Variants in GRIK2 observed in about 807,000 individuals in gnomAD.
GRIK2 encodes the protein glutamate receptor ionotropic, kainate 2.
GRIK2 carries 32 observed loss-of-function variants against 100.3 expected under a neutral mutation model. The ratio of observed to expected loss-of-function variants is 0.32; its 90% confidence interval spans 0.24 to 0.43. GRIK2 has a LOEUF of 0.43. Among genes scored for constraint, GRIK2 ranks in the 20% least tolerant of loss-of-function variants. The pLI is 1.00. For missense variants in GRIK2, 843 were observed against 1,114.9 expected (o/e 0.76, Z 3.47); for synonymous variants, 417 against 389.4 (o/e 1.07, Z -0.83).
At chr6:101,970,307 G>C (rs1159663810) in intron 14 of GRIK2, among the ~76,000 whole-genome samples, 1 of 151,796 alleles carries the variant, frequency 6.6e-6, no homozygotes, top group Non-Finnish European at 1.5e-5. Context: ...TTTGGGCTTG[G>C]CCCAGGATGG....
At chr6:101,813,036 A>C (rs1301246322) in intron 9 of GRIK2, among the ~76,000 whole-genome samples, 1 of 152,082 alleles carries the variant, frequency 6.6e-6, no homozygotes, top group African/African-American at 2.4e-5. Context: ...TGATATACAC[A>C]TCCGTATATA....
At chr6:101,504,192 T>C (rs1773908562) in intron 2 of GRIK2, among the ~76,000 whole-genome samples, 1 of 150,826 alleles carries the variant, frequency 6.6e-6, no homozygotes, top group South Asian at 2.1e-4. Flanking sequence ...GCACTGTGTT[T>C]AGCATACTTT....
chr6:102,053,869 C>A (rs1004176169), intron 15 of GRIK2, among the ~76,000 whole-genome samples: 2 of 152,040 alleles, frequency 1.3e-5, no homozygotes, highest in Non-Finnish European at 2.9e-5. Context: ...AGTGAGTGAT[C>A]AAGACAGAAA....
chr6:101,678,287 GAT>G (rs1770988137), intron 5 of GRIK2, among the ~76,000 whole-genome samples: 1 of 152,012 alleles, frequency 6.6e-6, no homozygotes, highest in South Asian at 2.1e-4. Context: ...ACTTCTATTA[GAT>G]ATATTTATTA....
intron 16 of GRIK2, among the ~76,000 whole-genome samples, chr6:102,059,435 T>G (rs1771632600): frequency 6.6e-6 from 1 of 151,204 alleles, no homozygotes; most frequent in African/African-American, 2.4e-5. Context: ...TTTAAAGATA[T>G]TTCTACTGAA....
At position 101,873,347 on chromosome 6, in the gene GRIK2, T is replaced by C. The variant is rs1166623701; in HGVS notation, c.1524+13854T>C. On this transcript the variant is annotated intron_variant, in intron 11 of 16. Coordinates refer to ENST00000369134, the MANE Select transcript of GRIK2 (RefSeq NM_021956.5). ...ACCTATGAGTGAGAACATGTGGTGTTTGGTTTTTTGTCCTTGTAATAGTTT... is the reference window on the plus strand; with the variant it reads ...ACCTATGAGTGAGAACATGTGGTGTCTGGTTTTTTGTCCTTGTAATAGTTT... Among the ~76,000 whole-genome samples, 3 of 150,512 alleles carry C rather than the reference T, an allele frequency of 2.0e-5. No homozygotes were observed. The East Asian group carries it at 6.0e-4, about 30-fold the overall frequency.
intron 7 of GRIK2, among the ~76,000 whole-genome samples, chr6:101,733,879 G>C (rs1255154189): frequency 1.3e-5 from 2 of 151,736 alleles, no homozygotes; most frequent in East Asian, 3.9e-4. Context: ...CAAATCCCTT[G>C]CTAATTTGTA....
chr6:101,440,383 C>G (rs1158663266), intron 2 of GRIK2, among the ~76,000 whole-genome samples: 1 of 152,148 alleles, frequency 6.6e-6, no homozygotes, highest in African/African-American at 2.4e-5. Context: ...TTAAGTTAAT[C>G]AGTTATTAAG....
chr6:101,450,498 C>T (rs1378827249), intron 2 of GRIK2, among the ~76,000 whole-genome samples: 1 of 151,586 alleles, frequency 6.6e-6, no homozygotes. Context: ...TGATTCTGTA[C>T]CAGGGACAAT....
intron 2 of GRIK2, among the ~76,000 whole-genome samples, chr6:101,498,929 C>T (rs988526366): frequency 1.3e-5 from 2 of 151,864 alleles, no homozygotes; most frequent in Non-Finnish European, 2.9e-5. Context: ...TGTTTTAGAC[C>T]TGAAGTCCTT....
chr6:101,787,327 AT>A (rs1394162226), intron 7 of GRIK2, among the ~76,000 whole-genome samples: 4 of 148,606 alleles, frequency 2.7e-5, no homozygotes, highest in African/African-American at 5.0e-5. Flanking sequence ...GATCTTTATT[AT>A]TTTTTTCTTC....
intron 4 of GRIK2, among the ~76,000 whole-genome samples, chr6:101,665,086 G>A (rs1023380454): frequency 4.6e-5 from 7 of 152,086 alleles, no homozygotes; most frequent in African/African-American, 1.7e-4. Flanking sequence ...TTTCTCTGCT[G>A]GAATCACAGA....
chr6:102,039,738 A>C (rs1770467205), intron 15 of GRIK2, among the ~76,000 whole-genome samples: 1 of 151,604 alleles, frequency 6.6e-6, no homozygotes. Flanking sequence ...GTGAGCTGGT[A>C]GGAAAGCAGC....
intron 9 of GRIK2, among the ~76,000 whole-genome samples, chr6:101,805,634 A>G (rs1780952786): frequency 6.6e-6 from 1 of 151,998 alleles, no homozygotes; most frequent in Non-Finnish European, 1.5e-5. Flanking sequence ...TGTCTGTTTT[A>G]TGCCCTCATG....
intron 14 of GRIK2, among the ~76,000 whole-genome samples, chr6:101,953,869 A>G (rs1405043021): frequency 1.3e-5 from 2 of 152,036 alleles, no homozygotes; most frequent in Non-Finnish European, 2.9e-5. Flanking sequence ...ATTTTTTTCT[A>G]AGAGTTTTAT....
intron 9 of GRIK2, among the ~76,000 whole-genome samples, chr6:101,811,350 T>C (rs556508906): frequency 4.6e-5 from 7 of 152,060 alleles, no homozygotes; most frequent in Non-Finnish European, 1.0e-4. Context: ...AATAACTTTC[T>C]TTTTTACATT....
At chr6:101,704,932 A>G (rs1038624328) in intron 7 of GRIK2, among the ~76,000 whole-genome samples, 5 of 148,170 alleles carry the variant, frequency 3.4e-5, no homozygotes, top group African/African-American at 7.3e-5. Flanking sequence ...TTTTTTATAT[A>G]TAAAATGTAT....
intron 10 of GRIK2, among the ~76,000 whole-genome samples, chr6:101,838,918 G>T (rs1783321445): frequency 6.6e-6 from 1 of 152,012 alleles, no homozygotes; most frequent in Non-Finnish European, 1.5e-5. Context: ...CTTCTGAAGT[G>T]CTGGGATTAC....
At chr6:102,065,956 T>A in intron 16 of GRIK2, 1 of 1,256,518 alleles carries the variant, frequency 8.0e-7, no homozygotes, top group Non-Finnish European at 1.0e-6. Flanking sequence ...AGAAACACTG[T>A]TTCCATATAC....
Sources: allele counts gnomAD v4.1 joint callset (sites outside exome capture counted in the v4.1 genomes callset), GRCh38; gene constraint gnomAD v4.1.1; transcripts MANE v1.5; gene names NCBI Gene and HGNC (gene_info 2026-07-23, HGNC 2026-07-21).